The following ATP5F1C variants were observed in gnomAD, a reference collection of about 807,000 sequenced individuals.
ATP5F1C encodes the protein ATP synthase F1 subunit gamma, also known as ATP synthase F(1) complex subunit gamma, mitochondrial.
A neutral mutation model predicts 37.4 loss-of-function variants in ATP5F1C; 22 were observed. The ratio of observed to expected loss-of-function variants is 0.59; its 90% CI spans 0.42 to 0.84. The LOEUF (loss-of-function observed/expected upper bound fraction) is 0.84, where lower values mean the gene tolerates loss of function less well. ATP5F1C is among the 40% of genes least tolerant of loss of function. The pLI is 0.00. For missense variants in ATP5F1C, 286 were observed against 362.4 expected (o/e 0.79, Z 1.71); for synonymous variants, 121 against 128.0 (o/e 0.95, Z 0.37).
chr10:7,800,599 G>A (rs1423661701), intron 6 of ATP5F1C, among the ~76,000 whole-genome samples: 10 of 147,738 alleles, frequency 6.8e-5, no homozygotes, highest in Non-Finnish European at 1.2e-4. Context: ...GGTTCACGCC[G>A]TTCTCCTGCC....
intron 8 of ATP5F1C, among the ~76,000 whole-genome samples, chr10:7,805,940 G>C (rs1030898897): frequency 1.3e-5 from 2 of 152,062 alleles, no homozygotes; most frequent in African/African-American, 4.8e-5. Flanking sequence ...GAAAAAATTA[G>C]CCAGGCCTGG....
chr10:7,798,849 A>G, intron 3 of ATP5F1C, 141 bp from the exon 4 acceptor site: 1 of 766,930 alleles, frequency 1.3e-6, no homozygotes. Context: ...CAGCTGTCCT[A>G]AGAACACCTG....
intron 1 of ATP5F1C, among the ~76,000 whole-genome samples, chr10:7,791,780 A>C (rs1232923413): frequency 6.6e-5 from 10 of 152,244 alleles, no homozygotes; most frequent in Non-Finnish European, 8.8e-5. Context: ...TGTACCTAAC[A>C]ATTAAAGTAG....
intron 4 of ATP5F1C, chr10:7,799,420 C>G (rs1836308260): frequency 5.3e-6 from 3 of 567,116 alleles, no homozygotes; most frequent in Non-Finnish European, 9.3e-6. Flanking sequence ...GCTTCTTCAT[C>G]CGGATCATAA....
In ATP5F1C at chr10:7,799,000, A is replaced by C. The variant is rs765389423; in HGVS notation, c.234A>C (p.Glu78Asp). The C allele has an allele frequency of 1.2e-6, 2 of 1,612,024 alleles. No homozygotes were observed. Among genetic ancestry groups the C allele is most frequent in the African/African-American group, 2.7e-5 (2 of 74,976 alleles). ...TTGTTTGTTTTTAAGCTCTGTATGA[A>C]AAAGCTGATATCAAGGGGCCTGAAG... ...IYGLGSLALY[E>D]KADIKGPEDK... The change falls in exon 4 of 10, where the codon GAA becomes GAC. Residue 78 changes from glutamate (E) to aspartate (D), a missense_variant. Physicochemically the swap from Glu to Asp is conservative, Grantham distance 45. Transcript: ENST00000356708.
Position 7,802,285 on chromosome 10 carries a change from A to G in ATP5F1C, c.653A>G (p.Tyr218Cys), listed in dbSNP as rs762865144. 14 of 1,611,770 alleles carry G rather than the reference A, an allele frequency of 8.7e-6. No individual in the cohort carries two copies. In the East Asian group the frequency reaches 1.1e-4, roughly 13 times the overall value. Reference protein sequence around the residue: ...TVASADSMSIYDDIDADVLQN... With the variant: ...TVASADSMSICDDIDADVLQN... Reference sequence around the variant, plus strand: ...GTTTTAACAGACAGCATGAGTATCTATGACGATATTGATGCTGACGTGCTG... The same window carrying G: ...GTTTTAACAGACAGCATGAGTATCTGTGACGATATTGATGCTGACGTGCTG... Residue 218 changes from tyrosine to cysteine, a missense_variant, in exon 7 of 10, where the codon TAT becomes TGT. By Grantham distance (194) the Tyr-to-Cys change is radical. Transcript: ENST00000356708.
At chr10:7,798,937 T>C in intron 3 of ATP5F1C, 53 bp from the exon 4 acceptor site, 1 of 1,486,144 alleles carries the variant, frequency 6.7e-7, no homozygotes, top group Non-Finnish European at 9.3e-7. Context: ...TAGAGATTTA[T>C]TGTATTTAGT....
rs181340615 is a variant in ATP5F1C at position 7,790,052 on chromosome 10, C to G, written c.56+1789C>G. Among the ~76,000 whole-genome samples, 3 of 152,308 alleles carry G rather than the reference C, an allele frequency of 2.0e-5. No individual in the cohort carries two copies. In the East Asian group the frequency reaches 5.8e-4, roughly 29 times the overall value. On this transcript the variant is annotated intron_variant, in intron 1 of 9. Coordinates refer to ENST00000356708, the MANE Select transcript of ATP5F1C (RefSeq NM_001001973.3). ...TTCTGTCTTCTTCTTTTCATGTATT[C>G]CTTCACTGCTGGTGCTTAATGTCTT...
At chr10:7,798,208 G>A (rs893635535) in intron 3 of ATP5F1C, among the ~76,000 whole-genome samples, 4 of 151,732 alleles carry the variant, frequency 2.6e-5, no homozygotes, top group African/African-American at 9.7e-5. Flanking sequence ...GTGTGTGTGT[G>A]TGTTTTGTTG....
At chr10:7,806,885 C>T in intron 8 of ATP5F1C, 89 bp from the exon 9 acceptor site, 3 of 1,143,832 alleles carry the variant, frequency 2.6e-6, no homozygotes, top group Non-Finnish European at 3.9e-6. Flanking sequence ...GACTTTTTTT[C>T]ATTGGAAAGC....
intron 6 of ATP5F1C, among the ~76,000 whole-genome samples, chr10:7,800,753 C>G (rs1483929107): frequency 6.6e-6 from 1 of 152,204 alleles, no homozygotes; most frequent in Non-Finnish European, 1.5e-5. Context: ...CCTTGGCCTT[C>G]CAAAGTGCTG....
chr10:7,804,810 G>A (rs1388071349), intron 8 of ATP5F1C, among the ~76,000 whole-genome samples: 2 of 152,160 alleles, frequency 1.3e-5, no homozygotes, highest in Non-Finnish European at 2.9e-5. Flanking sequence ...TTCAGAAGAG[G>A]GACAAATAAC....
chr10:7,788,371 C>G, intron 1 of ATP5F1C, 108 bp downstream of exon 1: 1 of 1,452,738 alleles, frequency 6.9e-7, no homozygotes, highest in Non-Finnish European at 9.4e-7. Flanking sequence ...GTCGCAGGGC[C>G]TAGCTGGGCC....
At position 7,799,992 on chromosome 10, in the gene ATP5F1C, A is replaced by G. The variant is rs559409653; in HGVS notation, c.573-35A>G. The stretch of plus-strand genomic sequence containing the variant: ...ATTTTGAAATAACAGTTTAAAAATT[A>G]TTTTGAGATTTACATTTGTTTTTGT... On this transcript the variant is annotated intron_variant, in intron 5 of 9. Coordinates refer to ENST00000356708, the MANE Select transcript of ATP5F1C (RefSeq NM_001001973.3). 6.2e-6 allele frequency: 10 copies of G among 1,607,772 alleles called. 1 individual carries two copies. The South Asian group carries it at 6.7e-5, about 11-fold the overall frequency.
In ATP5F1C at chr10:7,807,665, A is replaced by G; in HGVS notation, c.*37A>G. 1.2e-6 allele frequency: 2 copies of G among 1,608,080 alleles called. No individual in the cohort carries two copies. The highest frequency in any genetic ancestry group is 1.7e-6 in the Non-Finnish European group (2 of 1,176,866). On this transcript the variant is annotated 3_prime_UTR_variant, in exon 10 of 10. Coordinates refer to ENST00000356708, the MANE Select transcript of ATP5F1C (RefSeq NM_001001973.3). ...TCTGTACTTTGTTTTTCAGGTAAAG[A>G]AGGAAAATTCAGCCAGTTGATTTTG...
intron 4 of ATP5F1C, 149 bp downstream of exon 4, chr10:7,799,343 T>C: frequency 1.5e-6 from 1 of 681,618 alleles, no homozygotes; most frequent in Non-Finnish European, 2.4e-6. Context: ...GGGGTGTTTG[T>C]TTCCTTTTTC....
chr10:7,788,633 G>C (rs557652815), intron 1 of ATP5F1C, among the ~76,000 whole-genome samples: 1 of 152,324 alleles, frequency 6.6e-6, no homozygotes, highest in East Asian at 1.9e-4. Context: ...CTCAGGGCCT[G>C]CAAGGTGACG....
At chr10:7,793,507 T>A (rs1002373736) in intron 1 of ATP5F1C, among the ~76,000 whole-genome samples, 16 of 152,238 alleles carry the variant, frequency 1.1e-4, no homozygotes, top group African/African-American at 3.9e-4. Context: ...TTAAGAGTTG[T>A]TTGTTTTGGA....
At chr10:7,801,063 TC>T (rs1836356977) in intron 6 of ATP5F1C, among the ~76,000 whole-genome samples, 1 of 152,190 alleles carries the variant, frequency 6.6e-6, no homozygotes, top group African/African-American at 2.4e-5. Context: ...ATTGACTGAC[TC>T]AATTCTCTTG....
Sources: allele counts gnomAD v4.1 joint callset (sites outside exome capture counted in the v4.1 genomes callset), GRCh38; gene constraint gnomAD v4.1.1; transcripts MANE v1.5; gene names NCBI Gene and HGNC (gene_info 2026-07-23, HGNC 2026-07-21).